RP1: variants seen among roughly 807,000 people sequenced by gnomAD.
RP1 encodes the protein oxygen-regulated protein 1.
Under a neutral mutation model 14.8 loss-of-function variants are expected in RP1, and 16 were observed. That is an observed-to-expected ratio of 1.08 (90% CI 0.73 to 1.65). The LOEUF (loss-of-function observed/expected upper bound fraction) is 1.65. RP1 is among the 40% of genes most tolerant of loss of function. RP1 has a pLI of 0.00. For missense variants in RP1, 2,631 were observed against 2,535.0 expected (o/e 1.04, Z -0.81); for synonymous variants, 876 against 883.6 (o/e 0.99, Z 0.15).
intron 5 of RP1, among the ~76,000 whole-genome samples, chr8:54,655,843 C>T (rs1219081624): frequency 6.7e-6 from 1 of 148,902 alleles, no homozygotes; most frequent in African/African-American, 2.5e-5. Context: ...CATAGCAAGA[C>T]TTTGTCTCAA....
chr8:54,768,094 C>G (rs1809808238), intron 22 of RP1, among the ~76,000 whole-genome samples: 1 of 152,202 alleles, frequency 6.6e-6, no homozygotes, highest in South Asian at 2.1e-4. Context: ...ACACACAACC[C>G]CTGCCGCTAC....
Position 54,628,471 on chromosome 8 carries a change from A to C in RP1, c.4589A>C (p.Lys1530Thr). The change falls in exon 4 of 4, where the codon AAG becomes ACG. Residue 1530 changes from lysine to threonine, a missense_variant. Lys to Thr is a moderately conservative substitution (Grantham distance 78). Coordinates refer to ENST00000220676, the MANE Select transcript of RP1 (RefSeq NM_006269.2). ...MNGIIYEIIS[K>T]RLATPPSLDF... ...GGTATAATTTATGAAATAATCAGTAAGAGGCTGGCAACACCACCATCTTTA... is the reference window on the plus strand; with the variant it reads ...GGTATAATTTATGAAATAATCAGTACGAGGCTGGCAACACCACCATCTTTA... 6.2e-7 allele frequency: 1 copy of C among 1,613,630 alleles called. No homozygotes were observed. Among genetic ancestry groups the C allele is most frequent in the Non-Finnish European group, 8.5e-7 (1 of 1,179,830 alleles).
chr8:54,726,696 T>C (rs1025729290), intron 17 of RP1, among the ~76,000 whole-genome samples: 1 of 152,132 alleles, frequency 6.6e-6, no homozygotes, highest in African/African-American at 2.4e-5. Context: ...AATTTAATGT[T>C]CACCCAGAAC....
chr8:54,809,968 G>A (rs1028498681), intron 24 of RP1, among the ~76,000 whole-genome samples: 1 of 152,170 alleles, frequency 6.6e-6, no homozygotes, highest in African/African-American at 2.4e-5. Flanking sequence ...TCATCTGAAA[G>A]TGAAATGCAC....
intron 15 of RP1, among the ~76,000 whole-genome samples, chr8:54,715,129 A>T (rs1808371495): frequency 6.6e-6 from 1 of 152,258 alleles, no homozygotes; most frequent in Non-Finnish European, 1.5e-5. Context: ...AAGTTAAAAT[A>T]TCACTTGGGT....
intron 1 of RP1, among the ~76,000 whole-genome samples, chr8:54,564,765 G>A (rs947446992): frequency 4.6e-5 from 7 of 152,206 alleles, no homozygotes; most frequent in Non-Finnish European, 8.8e-5. Context: ...ATTCCTTGTG[G>A]TGGGAGATGT....
chr8:54,851,124 TC>T (rs778563865), intron 25 of RP1, among the ~76,000 whole-genome samples: 4 of 152,156 alleles, frequency 2.6e-5, no homozygotes, highest in Non-Finnish European at 5.9e-5. Context: ...TTTAACCTAA[TC>T]AATTGGAGCA....
intron 1 of RP1, among the ~76,000 whole-genome samples, chr8:54,595,543 C>T (rs939136161): frequency 6.6e-6 from 1 of 152,206 alleles, no homozygotes; most frequent in East Asian, 1.9e-4. Flanking sequence ...ATACTTCTCT[C>T]TGGCAGGGTG....
chr8:54,617,110 A>G (rs1463345478), intron 1 of RP1, among the ~76,000 whole-genome samples: 2 of 152,208 alleles, frequency 1.3e-5, no homozygotes, highest in Non-Finnish European at 2.9e-5. Context: ...TGTCATTAGA[A>G]GCGGATTTTA....
At chr8:54,655,810 G>A (rs1045569258) in intron 5 of RP1, among the ~76,000 whole-genome samples, 2 of 152,028 alleles carry the variant, frequency 1.3e-5, no homozygotes, top group African/African-American at 4.8e-5. Context: ...TTCAGCCTAG[G>A]AGTTGGCAAC....
chr8:54,658,270 G>A (rs1806798492), intron 6 of RP1, among the ~76,000 whole-genome samples: 1 of 149,830 alleles, frequency 6.7e-6, no homozygotes, highest in African/African-American at 2.5e-5. Context: ...AGACTGCGTA[G>A]GCCGGGCGCG....
intron 1 of RP1, among the ~76,000 whole-genome samples, chr8:54,609,531 C>T (rs1291605579): frequency 6.6e-6 from 1 of 152,142 alleles, no homozygotes; most frequent in Non-Finnish European, 1.5e-5. Context: ...ACAGAATACA[C>T]TTATGGTTAC....
At chr8:54,633,360 T>C (rs1806285522), downstream of RP1, among the ~76,000 whole-genome samples, 1 of 152,122 alleles carries the variant, frequency 6.6e-6, no homozygotes, top group African/African-American at 2.4e-5. Context: ...GTTAATGAGC[T>C]ATTGGTTCAG....
intron 19 of RP1, among the ~76,000 whole-genome samples, chr8:54,747,729 CT>C (rs1198782562): frequency 6.6e-6 from 1 of 152,206 alleles, no homozygotes; most frequent in African/African-American, 2.4e-5. Flanking sequence ...GGGAAGACCC[CT>C]GTCTCTACAG....
At chr8:54,687,327 A>G (rs1585606737) in intron 12 of RP1, among the ~76,000 whole-genome samples, 1 of 152,022 alleles carries the variant, frequency 6.6e-6, no homozygotes, top group Non-Finnish European at 1.5e-5. Context: ...ATTTTTTATT[A>G]TACTTTAACT....
intron 1 of RP1, among the ~76,000 whole-genome samples, chr8:54,587,093 G>T (rs913498875): frequency 2.0e-5 from 3 of 152,316 alleles, no homozygotes; most frequent in African/African-American, 7.2e-5. Flanking sequence ...TGCTCATGCT[G>T]GGAGCTATAG....
chr8:54,748,171 T>C (rs1301755043), intron 19 of RP1, among the ~76,000 whole-genome samples: 1 of 152,236 alleles, frequency 6.6e-6, no homozygotes, highest in Non-Finnish European at 1.5e-5. Context: ...AAGAAATGCC[T>C]TATTTTTTTG....
chr8:54,723,584 C>T (rs1186965051), intron 16 of RP1, among the ~76,000 whole-genome samples: 1 of 152,154 alleles, frequency 6.6e-6, no homozygotes, highest in Non-Finnish European at 1.5e-5. Context: ...AAAGATCTGA[C>T]CCCTTGGGCT....
chr8:54,725,450 T>C (rs1808631179), intron 16 of RP1, among the ~76,000 whole-genome samples: 1 of 152,202 alleles, frequency 6.6e-6, no homozygotes, highest in Non-Finnish European at 1.5e-5. Context: ...TAAATAACAA[T>C]GTAATCATGG....
Sources: allele counts gnomAD v4.1 joint callset (sites outside exome capture counted in the v4.1 genomes callset), GRCh38; gene constraint gnomAD v4.1.1; transcripts MANE v1.5; gene names NCBI Gene and HGNC (gene_info 2026-07-23, HGNC 2026-07-21).